FMN2: variants seen among roughly 807,000 people sequenced by gnomAD.
FMN2 encodes the protein formin-2.
In FMN2, 51 loss-of-function variants were observed where a neutral mutation model predicts 142.3. The observed-to-expected ratio is 0.36, with a 90% CI of 0.29 to 0.45. The LOEUF (loss-of-function observed/expected upper bound fraction) is 0.45, where lower values mean the gene tolerates loss of function less well. Ranked by LOEUF, FMN2 falls within the 20% of genes least tolerant of loss-of-function variation. The probability of loss-of-function intolerance (pLI) is 1.00; values close to 1 mark genes in which losing one functional copy is unlikely to be tolerated. For synonymous variants in FMN2, 882 were observed against 869.8 expected (o/e 1.01, Z -0.25); for missense variants, 1,936 against 2,122.8 (o/e 0.91, Z 1.73).
intron 6 of FMN2, among the ~76,000 whole-genome samples, chr1:240,251,507 A>C (rs1347931345): frequency 6.6e-6 from 1 of 152,174 alleles, no homozygotes; most frequent in Non-Finnish European, 1.5e-5. Context: ...TACTCTGAAG[A>C]ATGTTCCATG....
At chr1:240,226,814 A>T (rs2103433456) in intron 6 of FMN2, among the ~76,000 whole-genome samples, 1 of 149,260 alleles carries the variant, frequency 6.7e-6, no homozygotes, top group East Asian at 2.0e-4. Flanking sequence ...TTAGTGACAC[A>T]CACACACACA....
intron 16 of FMN2, among the ~76,000 whole-genome samples, chr1:240,468,311 T>C (rs1288266243): frequency 1.3e-5 from 1 of 76,824 alleles, no homozygotes; most frequent in East Asian, 2.4e-4. Context: ...CACACACACA[T>C]ATATACATAT....
intron 16 of FMN2, among the ~76,000 whole-genome samples, chr1:240,459,644 G>C (rs1676369468): frequency 7.0e-6 from 1 of 143,160 alleles, no homozygotes; most frequent in Non-Finnish European, 1.5e-5. Flanking sequence ...TTGAACCTGG[G>C]AGGTGGAAGT....
At chr1:240,333,635 G>A (rs4495690) in intron 11 of FMN2, among the ~76,000 whole-genome samples, 65,823 of 151,904 alleles carry the variant, frequency 0.43, 14,717 homozygotes, top group Admixed American at 0.54. Context: ...GGGGGTAACA[G>A]TTGGAAAGTA....
chr1:240,149,337 A>G (rs756411179), intron 2 of FMN2, among the ~76,000 whole-genome samples: 19 of 152,172 alleles, frequency 1.2e-4, no homozygotes, highest in Admixed American at 2.6e-4. Context: ...ATCTGCCTTT[A>G]TCACCAAGTA....
intron 14 of FMN2, among the ~76,000 whole-genome samples, chr1:240,363,663 G>C (rs1672566352): frequency 6.6e-6 from 1 of 152,194 alleles, no homozygotes; most frequent in Non-Finnish European, 1.5e-5. Flanking sequence ...TTTTCATTCT[G>C]TATGTCCTCC....
At chr1:240,261,186 G>A (rs1325816999) in intron 7 of FMN2, among the ~76,000 whole-genome samples, 1 of 152,126 alleles carries the variant, frequency 6.6e-6, no homozygotes, top group Non-Finnish European at 1.5e-5. Flanking sequence ...CAGATAATGT[G>A]ATGCTTCCAG....
intron 16 of FMN2, among the ~76,000 whole-genome samples, chr1:240,454,437 G>A (rs1165942670): frequency 6.6e-6 from 1 of 152,146 alleles, no homozygotes; most frequent in Admixed American, 6.5e-5. Context: ...AGCTACTCAG[G>A]AGGCTGAGGC....
chr1:240,092,034 G>C lies in FMN2; in HGVS notation c.-76G>C. On this transcript the variant is annotated 5_prime_UTR_variant, in exon 1 of 18. Coordinates refer to ENST00000319653, the MANE Select transcript of FMN2 (RefSeq NM_020066.5). Reference sequence around the variant, plus strand: ...CTGACTCTCCCGGGAGACTCCCTAGGCCCGGACCTGGGGCCGAGGAGGGCC... The same window carrying C: ...CTGACTCTCCCGGGAGACTCCCTAGCCCCGGACCTGGGGCCGAGGAGGGCC... The C allele has an allele frequency of 6.7e-7, 1 of 1,482,700 alleles. No individual in the cohort carries two copies. Among genetic ancestry groups the C allele is most frequent in the Non-Finnish European group, 8.9e-7 (1 of 1,122,020 alleles). 91.8% of individuals were successfully genotyped at this position (1,482,700 alleles called of 1,614,324 possible).
At chr1:240,434,963 C>T (rs1675316270) in intron 15 of FMN2, among the ~76,000 whole-genome samples, 1 of 151,988 alleles carries the variant, frequency 6.6e-6, no homozygotes, top group African/African-American at 2.4e-5. Flanking sequence ...ACGTCACATA[C>T]TCAAGTACAC....
chr1:240,241,104 A>G (rs1223665259), intron 6 of FMN2, among the ~76,000 whole-genome samples: 1 of 152,194 alleles, frequency 6.6e-6, no homozygotes, highest in African/African-American at 2.4e-5. Context: ...ATATTTTTAA[A>G]CAAACTGTGA....
intron 1 of FMN2, among the ~76,000 whole-genome samples, chr1:240,100,955 TTG>T (rs1458177812): frequency 6.6e-6 from 1 of 152,226 alleles, no homozygotes; most frequent in African/African-American, 2.4e-5. Flanking sequence ...GGGTTCTTTG[TTG>T]TAGTACCTGG....
intron 6 of FMN2, among the ~76,000 whole-genome samples, chr1:240,246,755 C>T (rs375417284): frequency 1.3e-5 from 2 of 152,260 alleles, no homozygotes; most frequent in African/African-American, 4.8e-5. Flanking sequence ...GTCCTGCCTT[C>T]TAGGGAAGCC....
At chr1:240,284,529 C>G (rs963483802) in intron 7 of FMN2, among the ~76,000 whole-genome samples, 9 of 151,378 alleles carry the variant, frequency 5.9e-5, no homozygotes, top group Non-Finnish European at 1.0e-4. Context: ...CCCCAGCTGT[C>G]CACTCTTGGA....
chr1:240,419,581 G>A (rs1674696580), intron 15 of FMN2, among the ~76,000 whole-genome samples: 1 of 152,106 alleles, frequency 6.6e-6, no homozygotes, highest in South Asian at 2.1e-4. Flanking sequence ...TGGAAGCTGT[G>A]GGTCTCTGGA....
chr1:240,430,982 T>TAAAAAAAA (rs377031896), intron 15 of FMN2, among the ~76,000 whole-genome samples: 8 of 141,622 alleles, frequency 5.6e-5, no homozygotes, highest in African/African-American at 2.1e-4. Context: ...TCAGTCCCTT[T>TAAAAAAAA]AAAAAAAAAA....
intron 4 of FMN2, among the ~76,000 whole-genome samples, chr1:240,196,795 C>T (rs1665927716): frequency 6.6e-6 from 1 of 152,118 alleles, no homozygotes; most frequent in Admixed American, 6.6e-5. Flanking sequence ...TTTTAACAAA[C>T]CCTCTAGGCG....
intron 1 of FMN2, among the ~76,000 whole-genome samples, chr1:240,109,593 A>G (rs1276724415): frequency 1.3e-5 from 2 of 152,144 alleles, no homozygotes; most frequent in Non-Finnish European, 2.9e-5. Context: ...TTCAAGAAAA[A>G]GTGCCTACAG....
chr1:240,217,024 G>A (rs756839822), intron 6 of FMN2, among the ~76,000 whole-genome samples: 1 of 152,178 alleles, frequency 6.6e-6, no homozygotes, highest in Non-Finnish European at 1.5e-5. Flanking sequence ...CTCTTATATG[G>A]GAGTACATAA....
Sources: gnomAD v4.1 joint callset for allele counts (sites outside exome capture counted in the v4.1 genomes callset) on GRCh38, gnomAD v4.1.1 for gene constraint, MANE v1.5 for transcripts, NCBI Gene and HGNC (gene_info 2026-07-23, HGNC 2026-07-21) for gene names.